The following ADAM22 variants were observed in gnomAD, a reference collection of about 807,000 sequenced individuals.
ADAM22 encodes the protein disintegrin and metalloproteinase domain-containing protein 22.
A neutral mutation model predicts 144.6 loss-of-function variants in ADAM22; 65 were observed. The ratio of observed to expected loss-of-function variants is 0.45; its 90% CI spans 0.37 to 0.55. The LOEUF (loss-of-function observed/expected upper bound fraction) is 0.55, where lower values mean the gene tolerates loss of function less well. ADAM22 is among the 20% of genes least tolerant of loss of function. The pLI, the probability that ADAM22 is intolerant of heterozygous loss-of-function variation, is 0.00. For synonymous variants in ADAM22, 391 were observed against 412.6 expected (o/e 0.95, Z 0.63); for missense variants, 974 against 1,184.9 (o/e 0.82, Z 2.61).
intron 3 of ADAM22, among the ~76,000 whole-genome samples, chr7:88,004,639 C>A (rs1011119302): frequency 6.6e-6 from 1 of 152,158 alleles, no homozygotes; most frequent in Non-Finnish European, 1.5e-5. Flanking sequence ...CAGAAAGAGA[C>A]AGTTTGAGGC....
intron 4 of ADAM22, among the ~76,000 whole-genome samples, chr7:88,099,783 T>C (rs1300482003): frequency 6.6e-6 from 1 of 152,234 alleles, no homozygotes; most frequent in Non-Finnish European, 1.5e-5. Flanking sequence ...CTTGGTCTTA[T>C]ACTTTTATAT....
intron 5 of ADAM22, among the ~76,000 whole-genome samples, chr7:88,108,496 A>G (rs1825091764): frequency 6.6e-6 from 1 of 151,928 alleles, no homozygotes; most frequent in Admixed American, 6.6e-5. Context: ...GGGGGGGTCT[A>G]GGCAGGCAGA....
chr7:87,964,022 A>C (rs1348206863), intron 2 of ADAM22, among the ~76,000 whole-genome samples: 1 of 152,196 alleles, frequency 6.6e-6, no homozygotes. Flanking sequence ...TTTCAGAGCT[A>C]AGGGTAGTCT....
chr7:87,953,392 G>A (rs947123747), intron 2 of ADAM22, among the ~76,000 whole-genome samples: 12 of 152,060 alleles, frequency 7.9e-5, no homozygotes, highest in African/African-American at 2.6e-4. Context: ...CCTTCATTTC[G>A]TTATGTATCC....
At chr7:88,170,267 ATGT>A (rs1416445440) in intron 25 of ADAM22, among the ~76,000 whole-genome samples, 3 of 152,160 alleles carry the variant, frequency 2.0e-5, no homozygotes, top group African/African-American at 7.2e-5. Context: ...TATTCAGAAT[ATGT>A]TTAGGAATAT....
intron 7 of ADAM22, among the ~76,000 whole-genome samples, chr7:88,123,486 CAA>C (rs1181359575): frequency 6.6e-6 from 1 of 151,970 alleles, no homozygotes; most frequent in African/African-American, 2.4e-5. Context: ...TCTAAATTAA[CAA>C]ATTTATTGGC....
intron 2 of ADAM22, among the ~76,000 whole-genome samples, chr7:87,949,729 T>C (rs1286129864): frequency 6.6e-6 from 1 of 151,814 alleles, no homozygotes; most frequent in Non-Finnish European, 1.5e-5. Context: ...CCAGATATTT[T>C]GTCTAAAAAT....
chr7:88,037,601 T>G (rs762412169), intron 3 of ADAM22, among the ~76,000 whole-genome samples: 2 of 152,054 alleles, frequency 1.3e-5, no homozygotes, highest in Non-Finnish European at 2.9e-5. Context: ...TATTTTTTTA[T>G]TTTTATTTTT....
At chr7:88,192,991 T>TA (rs1298517254) in intron 30 of ADAM22, 125 bp from the exon 31 acceptor site, 2 of 1,144,452 alleles carry the variant, frequency 1.7e-6, no homozygotes, top group Non-Finnish European at 2.5e-6. Flanking sequence ...TCCCAGTAGT[T>TA]AAATCTTTGC....
intron 22 of ADAM22, among the ~76,000 whole-genome samples, chr7:88,158,317 C>T (rs1174222691): frequency 6.6e-6 from 1 of 152,116 alleles, no homozygotes; most frequent in Non-Finnish European, 1.5e-5. Flanking sequence ...GACTTCAACA[C>T]TTCACTGATA....
At chr7:88,176,912 G>A (rs1845813555) in intron 26 of ADAM22, among the ~76,000 whole-genome samples, 1 of 152,080 alleles carries the variant, frequency 6.6e-6, no homozygotes, top group South Asian at 2.1e-4. Flanking sequence ...TTACAGGTGT[G>A]TGCCACCACA....
chr7:87,973,160 C>T (rs1374163877), intron 2 of ADAM22, among the ~76,000 whole-genome samples: 5 of 152,280 alleles, frequency 3.3e-5, no homozygotes, highest in African/African-American at 1.2e-4. Flanking sequence ...AAGAAACCTA[C>T]AGAATGGGAG....
At chr7:88,099,519 A>C (rs1214381254) in intron 4 of ADAM22, among the ~76,000 whole-genome samples, 1 of 152,200 alleles carries the variant, frequency 6.6e-6, no homozygotes, top group Non-Finnish European at 1.5e-5. Context: ...GATTGTCTCC[A>C]TCTTCCAAAG....
At chr7:87,986,411 C>T (rs1396366634) in intron 3 of ADAM22, among the ~76,000 whole-genome samples, 1 of 152,134 alleles carries the variant, frequency 6.6e-6, no homozygotes, top group East Asian at 1.9e-4. Context: ...CTGGAAGATC[C>T]ATGGATGTGT....
intron 3 of ADAM22, among the ~76,000 whole-genome samples, chr7:87,981,058 A>G (rs1853293646): frequency 6.6e-6 from 1 of 152,074 alleles, no homozygotes; most frequent in African/African-American, 2.4e-5. Context: ...TTTTTCTTGT[A>G]CATCTCCTGT....
Position 88,125,627 on chromosome 7 carries a change from T to C in ADAM22, c.646T>C (p.Leu216=), listed in dbSNP as rs769114874. The C allele has an allele frequency of 1.3e-6, 2 of 1,593,880 alleles. No individual in the cohort carries two copies. The highest frequency in any genetic ancestry group is 4.6e-5 in the East Asian group (2 of 43,704). Residue 216 remains leucine (L), a synonymous_variant, in exon 8 of 32, where the codon TTG becomes CTG. Transcript: ENST00000413139. ...QVNITPSKFI[L]KPRPKRSKRQ... is the part of the protein sequence containing the mutation. ...AAACATTACTCCATCAAAATTTATT[T>C]TGAAGCCAAGACCAAAAAGGAGTAA...
At chr7:88,163,807 T>C (rs1459885794) in intron 23 of ADAM22, among the ~76,000 whole-genome samples, 1 of 152,148 alleles carries the variant, frequency 6.6e-6, no homozygotes, top group Non-Finnish European at 1.5e-5. Flanking sequence ...ATTCATCCTC[T>C]ACTAGGGATA....
intron 3 of ADAM22, among the ~76,000 whole-genome samples, chr7:88,058,144 G>C (rs1207320711): frequency 1.3e-5 from 2 of 152,186 alleles, no homozygotes; most frequent in African/African-American, 4.8e-5. Flanking sequence ...TGGACAAGTG[G>C]TAACTGACTT....
At chr7:88,138,505 C>T (rs1293954409) in intron 14 of ADAM22, among the ~76,000 whole-genome samples, 1 of 152,142 alleles carries the variant, frequency 6.6e-6, no homozygotes. Context: ...CAAATATCAC[C>T]AAACAGCAGT....
Sources: gnomAD v4.1 joint callset for allele counts (sites outside exome capture counted in the v4.1 genomes callset) on GRCh38, gnomAD v4.1.1 for gene constraint, MANE v1.5 for transcripts, NCBI Gene and HGNC (gene_info 2026-07-23, HGNC 2026-07-21) for gene names.